MYO16: variants seen among roughly 807,000 people sequenced by gnomAD.
MYO16 encodes the protein myosin XVI.
A neutral mutation model predicts 205.3 loss-of-function variants in MYO16; 94 were observed. That is an observed-to-expected ratio of 0.46 (90% CI 0.39 to 0.54). The LOEUF (loss-of-function observed/expected upper bound fraction) is 0.54. Ranked by LOEUF, MYO16 falls within the 20% of genes least tolerant of loss-of-function variation. The pLI, the probability that MYO16 is intolerant of heterozygous loss-of-function variation, is 0.00. For synonymous variants in MYO16, 988 were observed against 954.0 expected, an observed-to-expected ratio of 1.04 and a Z score of -0.66; for missense variants, 2,315 against 2,387.5, an observed-to-expected ratio of 0.97 and a Z score of 0.63.
At chr13:108,973,598 G>T (rs972698258) in intron 20 of MYO16, among the ~76,000 whole-genome samples, 2 of 152,136 alleles carry the variant, frequency 1.3e-5, no homozygotes, top group Non-Finnish European at 2.9e-5. Context: ...TCTGTAGAAG[G>T]TGGCAATATT....
At chr13:108,662,696 C>G (rs1259315813) in intron 1 of MYO16, among the ~76,000 whole-genome samples, 1 of 152,134 alleles carries the variant, frequency 6.6e-6, no homozygotes, top group Non-Finnish European at 1.5e-5. Flanking sequence ...CGAGGCTATC[C>G]AACTTCCAGC....
intron 21 of MYO16, among the ~76,000 whole-genome samples, chr13:108,993,099 A>C (rs1311366701): frequency 6.6e-6 from 1 of 152,176 alleles, no homozygotes; most frequent in Non-Finnish European, 1.5e-5. Flanking sequence ...AAACATGAAA[A>C]AATAGAAAAC....
chr13:109,036,541 C>G (rs796182432), intron 23 of MYO16, among the ~76,000 whole-genome samples: 13 of 152,294 alleles, frequency 8.5e-5, no homozygotes, highest in African/African-American at 2.9e-4. Flanking sequence ...GTTTATATTG[C>G]ACCCCTCATT....
chr13:108,562,372 C>T, the MYO16 span, among the ~76,000 whole-genome samples: 9 of 151,818 alleles, frequency 5.9e-5, no homozygotes, highest in South Asian at 4.2e-4. Context: ...TTAGGGGGTA[C>T]GAATATTTAG....
the MYO16 span, among the ~76,000 whole-genome samples, chr13:108,544,316 G>A: frequency 2.0e-5 from 3 of 152,048 alleles, no homozygotes; most frequent in Non-Finnish European, 4.4e-5. Flanking sequence ...TTAGATATGA[G>A]ATGAGAAGTG....
chr13:108,779,659 A>G (rs149889324), intron 4 of MYO16: 1 of 152,288 alleles, frequency 6.6e-6, no homozygotes, highest in Non-Finnish European at 1.5e-5. Flanking sequence ...ATTTGCTAGG[A>G]TACAAGAGAA....
Position 109,055,518 on chromosome 13 carries a change from T to C in MYO16, c.3258T>C (p.Tyr1086=). Residue 1086 remains tyrosine, a synonymous_variant, in exon 27 of 35, where the codon TAT becomes TAC. Transcript: ENST00000457511. The surrounding 1 kb of genome is among the most constrained non-coding windows in gnomAD (Gnocchi z 5.0). Reference sequence around the variant, plus strand: ...TTTACGTGTCTGCTCAGCTACAATATATTGGGGTCCTGGAGATGGTGAAGA... The same window carrying C: ...TTTACGTGTCTGCTCAGCTACAATACATTGGGGTCCTGGAGATGGTGAAGA... ...DNFYVSAQLQ[Y]IGVLEMVKIF... The C allele has an allele frequency of 1.2e-6, 2 of 1,613,162 alleles. No individual in the cohort carries two copies. The highest frequency in any genetic ancestry group is 2.2e-5 in the East Asian group (1 of 44,854).
chr13:109,011,498 C>CT (rs34575828), intron 22 of MYO16, among the ~76,000 whole-genome samples: 94,229 of 129,876 alleles, frequency 0.73, 34,315 homozygotes, highest in East Asian at 0.95. Flanking sequence ...TTCTTCCTTT[C>CT]TTTTTTTTTT....
intron 4 of MYO16, among the ~76,000 whole-genome samples, chr13:108,753,879 G>C (rs915810297): frequency 6.6e-6 from 1 of 152,290 alleles, no homozygotes; most frequent in Admixed American, 6.5e-5. Context: ...TTAAAAAGAG[G>C]CTATACTTTG....
In MYO16 at chr13:109,100,814, G is replaced by C. The variant is rs140739382; in HGVS notation, c.3365G>C (p.Arg1122Pro). 4.3e-6 allele frequency: 7 copies of C among 1,613,568 alleles called. No individual in the cohort carries two copies. The highest frequency in any genetic ancestry group is 5.9e-6 in the Non-Finnish European group (7 of 1,179,598). Residue 1122 changes from arginine to proline, a missense_variant, in exon 28 of 35, where the codon CGT becomes CCT. By Grantham distance (103) the Arg-to-Pro change is moderately radical. This residue lies in a region of MYO16 where 1,097 missense variants were observed against 1,092.0 expected (regional missense o/e 1.00). Transcript: ENST00000457511. ...RYKPLADTFL[R>P]EKKEQSAAER... Reference sequence around the variant, plus strand: ...AAGCCACTGGCTGATACATTCCTGCGTGAGAAGAAGGAACAGTCAGCTGCC... The same window carrying C: ...AAGCCACTGGCTGATACATTCCTGCCTGAGAAGAAGGAACAGTCAGCTGCC...
At chr13:108,811,122 T>A (rs1257046864) in intron 7 of MYO16, among the ~76,000 whole-genome samples, 1 of 152,156 alleles carries the variant, frequency 6.6e-6, no homozygotes, top group Admixed American at 6.5e-5. Context: ...AAAAAAATAT[T>A]TGTACAAATG....
At chr13:108,609,614 G>C (rs2139315321) in intron 1 of MYO16, among the ~76,000 whole-genome samples, 1 of 152,302 alleles carries the variant, frequency 6.6e-6, no homozygotes, top group Non-Finnish European at 1.5e-5. Flanking sequence ...CCAAGATTCA[G>C]CCGCATTTGA....
At chr13:108,561,879 CT>C in the MYO16 span, among the ~76,000 whole-genome samples, 1 of 152,148 alleles carries the variant, frequency 6.6e-6, no homozygotes, top group Non-Finnish European at 1.5e-5. Flanking sequence ...ATTAGTAAGC[CT>C]ATTCAAAATG....
intron 1 of MYO16, among the ~76,000 whole-genome samples, chr13:108,619,689 C>T (rs569399658): frequency 6.6e-5 from 10 of 152,134 alleles, no homozygotes; most frequent in East Asian, 1.9e-4. Context: ...GCAGTTTGCC[C>T]GCTGTGACCC....
chr13:108,509,675 A>G, the MYO16 span, among the ~76,000 whole-genome samples: 1 of 152,234 alleles, frequency 6.6e-6, no homozygotes. Context: ...TAAGAATAGC[A>G]TTAGAAGATA....
intron 34 of MYO16, among the ~76,000 whole-genome samples, chr13:109,198,237 G>A (rs1385450833): frequency 6.6e-6 from 1 of 151,974 alleles, no homozygotes; most frequent in Non-Finnish European, 1.5e-5. Flanking sequence ...ATGATACAAA[G>A]TACAATTACT....
At chr13:108,569,091 G>A in the MYO16 span, among the ~76,000 whole-genome samples, 1 of 151,996 alleles carries the variant, frequency 6.6e-6, no homozygotes, top group Non-Finnish European at 1.5e-5. Flanking sequence ...AAATTAAAAT[G>A]TGAGCTGTGC....
chr13:108,613,049 T>C (rs569522029), intron 1 of MYO16, among the ~76,000 whole-genome samples: 17 of 152,268 alleles, frequency 1.1e-4, no homozygotes, highest in Middle Eastern at 3.4e-3. Context: ...AAGCTAAGTG[T>C]ACTTGTAAAA....
rs780913271 is a variant in MYO16 at position 109,123,297 on chromosome 13, C to T, written c.3536-1815C>T. On this transcript the variant is annotated intron_variant, in intron 29 of 34. Coordinates refer to ENST00000457511, the MANE Select transcript of MYO16 (RefSeq NM_001198950.3). ...CTTCCGGAGGCGGGACAATAGACTC[C>T]GGGTGAAAGTGAATCCAGTGAATAG... Among the ~76,000 whole-genome samples, 4 of 152,108 alleles carry T rather than the reference C, an allele frequency of 2.6e-5. No homozygotes were observed. The South Asian group carries it at 6.2e-4, about 24-fold the overall frequency.
Sources: allele counts gnomAD v4.1 joint callset (sites outside exome capture counted in the v4.1 genomes callset), GRCh38; gene constraint gnomAD v4.1.1; regional missense constraint gnomAD v4.1.1; non-coding constraint Gnocchi (gnomAD v3.1); transcripts MANE v1.5; gene names NCBI Gene and HGNC (gene_info 2026-07-23, HGNC 2026-07-21).